Variants in SLC22A15 observed in about 807,000 individuals in gnomAD.
The protein encoded by SLC22A15 is flipt 1.
A neutral mutation model predicts 62.7 loss-of-function variants in SLC22A15; 45 were observed. The observed-to-expected ratio is 0.72, with a 90% CI of 0.56 to 0.92. The LOEUF is 0.92. Ranked by LOEUF, SLC22A15 falls within the 40% of genes least tolerant of loss-of-function variation. The probability of loss-of-function intolerance (pLI) is 0.00; values close to 1 mark genes in which losing one functional copy is unlikely to be tolerated. For synonymous variants in SLC22A15, 264 were observed against 267.0 expected, an observed-to-expected ratio of 0.99 and a Z score of 0.11; for missense variants, 622 against 665.6, an observed-to-expected ratio of 0.93 and a Z score of 0.72.
Position 116,033,553 on chromosome 1 carries a change from GTC to G in SLC22A15, c.945-1630_945-1629del, listed in dbSNP as rs79261641. On this transcript the variant is annotated intron_variant, in intron 6 of 11. Coordinates refer to ENST00000369503, the MANE Select transcript of SLC22A15 (RefSeq NM_018420.3). ...GTCACAGCTTGATTTAAATAGGGGTGTCTCTGTGTGTGTGTGTGTGTGTGTGT... is the reference window on the plus strand; with the variant it reads ...GTCACAGCTTGATTTAAATAGGGGTGTCTGTGTGTGTGTGTGTGTGTGTGT... Among the ~76,000 whole-genome samples the G allele has an allele frequency of 6.9e-4, 75 of 109,390 alleles. 1 individual carries two copies. Among genetic ancestry groups the G allele is most frequent in the Non-Finnish European group, 1.0e-3 (51 of 50,044 alleles). 71.8% of individuals were successfully genotyped at this position (109,390 alleles called of 152,430 possible).
intron 1 of SLC22A15, among the ~76,000 whole-genome samples, chr1:115,978,457 C>T (rs1187123913): frequency 3.9e-5 from 6 of 152,114 alleles, no homozygotes; most frequent in Non-Finnish European, 7.3e-5. Context: ...TCAGTATTTG[C>T]GGTACAAGGA....
intron 1 of SLC22A15, among the ~76,000 whole-genome samples, chr1:115,984,059 A>T (rs1211158115): frequency 6.6e-6 from 1 of 152,230 alleles, no homozygotes; most frequent in African/African-American, 2.4e-5. Flanking sequence ...ATTTTATGTT[A>T]ATTTACTAAA....
chr1:116,025,029 G>A (rs1162730786), intron 4 of SLC22A15, among the ~76,000 whole-genome samples: 1 of 152,074 alleles, frequency 6.6e-6, no homozygotes, highest in Non-Finnish European at 1.5e-5. Flanking sequence ...AAATAGAAGG[G>A]CTAAATCCAG....
At chr1:116,008,992 C>T (rs1656117528) in intron 2 of SLC22A15, among the ~76,000 whole-genome samples, 2 of 152,224 alleles carry the variant, frequency 1.3e-5, no homozygotes, top group African/African-American at 2.4e-5. Context: ...GTAATGATTA[C>T]ATTAAGCTTT....
At chr1:116,061,777 G>T (rs1658385827) in intron 8 of SLC22A15, among the ~76,000 whole-genome samples, 1 of 151,884 alleles carries the variant, frequency 6.6e-6, no homozygotes, top group Non-Finnish European at 1.5e-5. Context: ...TTTTGGTAAA[G>T]AAATGAACTG....
chr1:115,995,405 C>T (rs949264963), intron 2 of SLC22A15, among the ~76,000 whole-genome samples: 2 of 152,212 alleles, frequency 1.3e-5, no homozygotes, highest in African/African-American at 4.8e-5. Context: ...GCACCTGCAA[C>T]CAATGCCCAC....
rs1282408547 is a variant in SLC22A15 at position 116,062,842 on chromosome 1, G to A, written c.1252G>A (p.Val418Ile). 1 of 1,613,618 alleles carries A rather than the reference G, an allele frequency of 6.2e-7. No individual in the cohort carries two copies. Among genetic ancestry groups the A allele is most frequent in the Non-Finnish European group, 8.5e-7 (1 of 1,179,788 alleles). Residue 418 changes from valine (V) to isoleucine (I), a missense_variant, in exon 9 of 12, where the codon GTT becomes ATT. Physicochemically the swap from Val to Ile is conservative, Grantham distance 29. Transcript: ENST00000369503. ...KLTISAAFNI[V>I]YIYTSELYPT... ...GACCATCAGTGCTGCCTTTAACATT[G>A]TTTATATCTACACCTCTGAGCTTTA... is the stretch of plus-strand genomic sequence containing the variant.
chr1:116,046,335 A>G (rs1488856005), intron 8 of SLC22A15, among the ~76,000 whole-genome samples: 1 of 152,232 alleles, frequency 6.6e-6, no homozygotes, highest in Non-Finnish European at 1.5e-5. Flanking sequence ...GGGAGAAAAT[A>G]TCTGTAAAAC....
At chr1:116,008,710 G>A (rs773827871) in intron 2 of SLC22A15, among the ~76,000 whole-genome samples, 1 of 152,230 alleles carries the variant, frequency 6.6e-6, no homozygotes, top group African/African-American at 2.4e-5. Flanking sequence ...AGAAGGGAAA[G>A]CAATAATACT....
chr1:116,000,136 GC>G (rs1655648082), intron 2 of SLC22A15, among the ~76,000 whole-genome samples: 1 of 151,898 alleles, frequency 6.6e-6, no homozygotes, highest in Non-Finnish European at 1.5e-5. Context: ...ACTTACTACT[GC>G]CCTTTTGTTA....
intron 2 of SLC22A15, 46 bp downstream of exon 2, chr1:115,992,289 C>G: frequency 3.6e-6 from 5 of 1,386,300 alleles, no homozygotes; most frequent in Non-Finnish European, 5.0e-6. Context: ...CTCTCTTTGT[C>G]CACATAGAGC....
At chr1:116,013,397 G>A (rs1656370037) in intron 2 of SLC22A15, among the ~76,000 whole-genome samples, 1 of 152,028 alleles carries the variant, frequency 6.6e-6, no homozygotes, top group Admixed American at 6.6e-5. Flanking sequence ...TTTTTCCATA[G>A]CTTCCTGAAT....
intron 8 of SLC22A15, among the ~76,000 whole-genome samples, chr1:116,056,887 C>A (rs993394843): frequency 6.6e-6 from 1 of 152,040 alleles, no homozygotes; most frequent in Non-Finnish European, 1.5e-5. Context: ...CTTCCTTACA[C>A]CTTATACAAA....
At chr1:116,043,355 G>C (rs1486907418) in intron 8 of SLC22A15, among the ~76,000 whole-genome samples, 6 of 152,182 alleles carry the variant, frequency 3.9e-5, no homozygotes, top group Admixed American at 3.9e-4. Context: ...GAACCCGGGA[G>C]GTGGAGGTTG....
At chr1:116,016,752 C>T (rs1656554299) in intron 2 of SLC22A15, among the ~76,000 whole-genome samples, 1 of 152,128 alleles carries the variant, frequency 6.6e-6, no homozygotes. Context: ...ATTTAGGTGA[C>T]TCTTCCATTC....
chr1:116,032,043 C>T (rs964844440), intron 6 of SLC22A15: 3 of 985,300 alleles, frequency 3.0e-6, no homozygotes, highest in South Asian at 9.4e-5. Flanking sequence ...CACTCCCACT[C>T]ACTAACTCAC....
At position 116,032,295 on chromosome 1, in the gene SLC22A15, A is replaced by G. The variant is rs142419236; in HGVS notation, c.944+714A>G. The G allele has an allele frequency of 8.0e-5, 79 of 985,390 alleles. No individual in the cohort carries two copies. In the African/African-American group the frequency reaches 1.1e-3, roughly 14 times the overall value. The allele number at this position is 985,390 out of a possible 1,614,324, so 61.0% of individuals were successfully genotyped here. On this transcript the variant is annotated intron_variant, in intron 6 of 11. Coordinates refer to ENST00000369503, the MANE Select transcript of SLC22A15 (RefSeq NM_018420.3). ...GAAGTTGTAGAAAGAGGAGAAATGGATGGGTGCATACAATTTGTGGATTGC... is the reference window on the plus strand; with the variant it reads ...GAAGTTGTAGAAAGAGGAGAAATGGGTGGGTGCATACAATTTGTGGATTGC...
At chr1:116,007,645 A>G in intron 2 of SLC22A15, among the ~76,000 whole-genome samples, 1 of 152,128 alleles carries the variant, frequency 6.6e-6, no homozygotes, top group East Asian at 1.9e-4. Flanking sequence ...CTGGGATGGG[A>G]GTCTCTCTGC....
intron 8 of SLC22A15, among the ~76,000 whole-genome samples, chr1:116,049,101 C>A (rs1011500299): frequency 1.3e-5 from 2 of 152,100 alleles, no homozygotes; most frequent in Admixed American, 1.3e-4. Context: ...ATTTATAAAA[C>A]AATTACTAAT....
Sources: gnomAD v4.1 joint callset for allele counts (sites outside exome capture counted in the v4.1 genomes callset) on GRCh38, gnomAD v4.1.1 for gene constraint, MANE v1.5 for transcripts, NCBI Gene and HGNC (gene_info 2026-07-23, HGNC 2026-07-21) for gene names.